Variants in PDIA5 observed in about 807,000 individuals in gnomAD.
PDIA5 encodes protein disulfide-isomerase A5.
In PDIA5, 58 loss-of-function variants were observed where a neutral mutation model predicts 77.6. The observed-to-expected ratio is 0.75, with a 90% CI of 0.61 to 0.93. PDIA5 has a LOEUF of 0.93. Among genes scored for constraint, PDIA5 ranks in the 40% least tolerant of loss-of-function variants. PDIA5 has a pLI of 0.00. For synonymous variants in PDIA5, 250 were observed against 252.1 expected, an observed-to-expected ratio of 0.99 and a Z score of 0.08; for missense variants, 630 against 647.7, an observed-to-expected ratio of 0.97 and a Z score of 0.30.
intron 1 of PDIA5, among the ~76,000 whole-genome samples, chr3:123,083,939 G>C (rs926799607): frequency 6.6e-6 from 1 of 152,104 alleles, no homozygotes; most frequent in African/African-American, 2.4e-5. Flanking sequence ...GGGAGGAAAG[G>C]GCTCCCACTT....
intron 7 of PDIA5, 127 bp downstream of exon 7, chr3:123,111,131 A>C (rs533596192): frequency 9.1e-5 from 64 of 706,486 alleles, no homozygotes; most frequent in African/African-American, 8.8e-4. Flanking sequence ...GCTGAATCTC[A>C]TCTCTCCATC....
intron 5 of PDIA5, among the ~76,000 whole-genome samples, chr3:123,103,093 A>G (rs1207711590): frequency 6.6e-6 from 1 of 152,196 alleles, no homozygotes; most frequent in Non-Finnish European, 1.5e-5. Flanking sequence ...ATTTCGTTGT[A>G]GCTTCAAAGT....
intron 1 of PDIA5, among the ~76,000 whole-genome samples, chr3:123,071,099 A>G (rs1020084234): frequency 2.0e-5 from 3 of 152,080 alleles, no homozygotes; most frequent in South Asian, 2.1e-4. Context: ...CCCTTTCTTG[A>G]TAAAATTTAT....
intron 1 of PDIA5, among the ~76,000 whole-genome samples, chr3:123,082,091 G>A (rs1257729961): frequency 1.3e-5 from 2 of 152,218 alleles, no homozygotes. Context: ...AACCTTGGGA[G>A]ACTCCAGGAT....
chr3:123,079,407 C>G (rs887527434), intron 1 of PDIA5, among the ~76,000 whole-genome samples: 1 of 152,028 alleles, frequency 6.6e-6, no homozygotes, highest in Non-Finnish European at 1.5e-5. Context: ...GTCTCGATCT[C>G]CTGACCTCGT....
intron 11 of PDIA5, among the ~76,000 whole-genome samples, chr3:123,135,828 A>AT (rs1425301672): frequency 5.5e-3 from 227 of 40,988 alleles, no homozygotes; most frequent in African/African-American, 0.021. Context: ...TTTAACTTTT[A>AT]TTTTTTAAAA....
chr3:123,078,747 T>C (rs531189875), intron 1 of PDIA5, among the ~76,000 whole-genome samples: 11 of 152,326 alleles, frequency 7.2e-5, no homozygotes, highest in African/African-American at 2.6e-4. Context: ...TAGTCTCCTT[T>C]AATCTGGAAT....
intron 8 of PDIA5, among the ~76,000 whole-genome samples, chr3:123,123,734 G>A (rs1218147499): frequency 2.0e-5 from 3 of 152,262 alleles, no homozygotes; most frequent in Admixed American, 2.0e-4. Context: ...GCCCCTCTCT[G>A]AGAGTAATGT....
chr3:123,111,964 T>C (rs1191962653), intron 7 of PDIA5, among the ~76,000 whole-genome samples: 1 of 152,186 alleles, frequency 6.6e-6, no homozygotes, highest in Admixed American at 6.5e-5. Flanking sequence ...GCTGCCTCTT[T>C]TTGTAAAGGT....
intron 1 of PDIA5, among the ~76,000 whole-genome samples, chr3:123,076,368 C>T (rs1003679719): frequency 1.3e-5 from 2 of 152,138 alleles, no homozygotes; most frequent in African/African-American, 2.4e-5. Context: ...TTGTTTATGA[C>T]AATTTTTCAA....
At chr3:123,155,987 T>C (rs1186645153) in intron 15 of PDIA5, among the ~76,000 whole-genome samples, 1 of 151,942 alleles carries the variant, frequency 6.6e-6, no homozygotes, top group African/African-American at 2.4e-5. Context: ...CAGGTATTAG[T>C]GGAGCAGCCC....
chr3:123,089,795 G>A (rs1934237287), intron 2 of PDIA5, among the ~76,000 whole-genome samples: 3 of 152,264 alleles, frequency 2.0e-5, no homozygotes, highest in African/African-American at 7.2e-5. Flanking sequence ...GGGGTCAGAT[G>A]CAAGACTGAA....
At position 123,098,819 on chromosome 3, in the gene PDIA5, C is replaced by T. The variant is rs374176781; in HGVS notation, c.258-3592C>T. Among the ~76,000 whole-genome samples the T allele has an allele frequency of 2.6e-5, 4 of 152,332 alleles. No individual in the cohort carries two copies. The South Asian group carries it at 8.3e-4, about 32-fold the overall frequency. ...TCTCCATGACCCATGGTGCATTCTC[C>T]ATTCCCTCAATTCGAGCAAAGCATC... is the stretch of plus-strand genomic sequence containing the variant. On this transcript the variant is annotated intron_variant, in intron 3 of 16. Transcript: ENST00000316218.
Position 123,106,829 on chromosome 3 carries a change from T to C in PDIA5, c.468T>C (p.Leu156=). 2 of 1,609,548 alleles carry C rather than the reference T, an allele frequency of 1.2e-6. No homozygotes were observed. Among genetic ancestry groups the C allele is most frequent in the Non-Finnish European group, 1.7e-6 (2 of 1,176,966 alleles). The change falls in exon 6 of 17, where the codon CTT becomes CTC. Residue 156 remains leucine, a synonymous_variant. Coordinates refer to ENST00000316218, the MANE Select transcript of PDIA5 (RefSeq NM_006810.4). ...CTGGAGCCAAAGATGTTGTCCACCT[T>C]GACAGTGAAAAGGTAATGTATTCCC... ...EDPGAKDVVH[L]DSEKDFRRLL...
intron 3 of PDIA5, among the ~76,000 whole-genome samples, chr3:123,097,792 C>T (rs889648583): frequency 6.6e-6 from 1 of 152,128 alleles, no homozygotes; most frequent in Non-Finnish European, 1.5e-5. Flanking sequence ...TGGCCAGAAG[C>T]TTGCCATGTT....
At chr3:123,082,126 G>T (rs754419955) in intron 1 of PDIA5, among the ~76,000 whole-genome samples, 2 of 152,184 alleles carry the variant, frequency 1.3e-5, no homozygotes, top group Non-Finnish European at 2.9e-5. Flanking sequence ...GAAAGCAGAG[G>T]GTTAGTCTAA....
chr3:123,114,821 G>A (rs528544563), intron 7 of PDIA5, among the ~76,000 whole-genome samples: 10 of 152,308 alleles, frequency 6.6e-5, no homozygotes, highest in African/African-American at 2.4e-4. Context: ...GGCTGGCCTC[G>A]AAACAGCTCC....
intron 10 of PDIA5, among the ~76,000 whole-genome samples, chr3:123,129,718 G>T (rs1935329618): frequency 6.6e-6 from 1 of 152,220 alleles, no homozygotes; most frequent in Non-Finnish European, 1.5e-5. Flanking sequence ...CCTAGCAGAT[G>T]ATGACCTAGG....
intron 8 of PDIA5, among the ~76,000 whole-genome samples, chr3:123,119,115 A>C (rs1368484006): frequency 6.6e-6 from 1 of 152,094 alleles, no homozygotes; most frequent in Non-Finnish European, 1.5e-5. Context: ...AGCTGGGTGC[A>C]ATGGCATACA....
Sources: allele counts gnomAD v4.1 joint callset (sites outside exome capture counted in the v4.1 genomes callset), GRCh38; gene constraint gnomAD v4.1.1; transcripts MANE v1.5; gene names NCBI Gene and HGNC (gene_info 2026-07-23, HGNC 2026-07-21).